Variants in CACNA2D3 observed in about 807,000 individuals in gnomAD.
CACNA2D3 encodes calcium voltage-gated channel auxiliary subunit alpha2delta 3, also known as voltage-dependent calcium channel subunit alpha-2/delta-3.
A neutral mutation model predicts 160.6 loss-of-function variants in CACNA2D3; 60 were observed. The ratio of observed to expected loss-of-function variants is 0.37; its 90% confidence interval spans 0.30 to 0.46. CACNA2D3 has a LOEUF of 0.46. Ranked by LOEUF, CACNA2D3 falls within the 20% of genes least tolerant of loss-of-function variation. The pLI, the probability that CACNA2D3 is intolerant of heterozygous loss-of-function variation, is 1.00. For synonymous variants in CACNA2D3, 558 were observed against 492.9 expected (o/e 1.13, Z -1.75); for missense variants, 1,205 against 1,365.0 (o/e 0.88, Z 1.85).
At chr3:55,009,864 T>A (rs373749406) in intron 34 of CACNA2D3, among the ~76,000 whole-genome samples, 70 of 152,276 alleles carry the variant, frequency 4.6e-4, no homozygotes, top group African/African-American at 1.7e-3. Flanking sequence ...CTATCCCTTC[T>A]CAAATACCTT....
intron 17 of CACNA2D3, among the ~76,000 whole-genome samples, chr3:54,850,765 C>T (rs1029020220): frequency 3.9e-5 from 6 of 152,232 alleles, no homozygotes; most frequent in Non-Finnish European, 8.8e-5. Flanking sequence ...TCCATGAAGC[C>T]TGCATTGAAA....
chr3:54,878,852 C>A, intron 18 of CACNA2D3, 166 bp from the exon 19 acceptor site: 1 of 470,244 alleles, frequency 2.1e-6, no homozygotes, highest in Non-Finnish European at 3.7e-6. Flanking sequence ...TTGTTGTTAG[C>A]CTGTCTCCCA....
chr3:54,854,787 A>G (rs1324781245), intron 17 of CACNA2D3, among the ~76,000 whole-genome samples: 1 of 152,164 alleles, frequency 6.6e-6, no homozygotes, highest in Non-Finnish European at 1.5e-5. Context: ...ACATATTTGA[A>G]GGGCAAAAAA....
intron 27 of CACNA2D3, chr3:54,918,827 T>A: frequency 1.2e-6 from 2 of 1,601,198 alleles, no homozygotes; most frequent in African/African-American, 1.3e-5. Flanking sequence ...TCATGAGGGA[T>A]CCTAAGGAGG....
At chr3:54,501,011 A>G (rs1268798664) in intron 4 of CACNA2D3, among the ~76,000 whole-genome samples, 8 of 152,212 alleles carry the variant, frequency 5.3e-5, no homozygotes, top group Admixed American at 5.2e-4. Context: ...TGATGCACTG[A>G]TACTGTATCC....
chr3:54,476,778 A>AT (rs1353569345), intron 4 of CACNA2D3, among the ~76,000 whole-genome samples: 1 of 152,152 alleles, frequency 6.6e-6, no homozygotes, highest in Non-Finnish European at 1.5e-5. Flanking sequence ...TATTGAGTTG[A>AT]TATGAGTTTC....
At chr3:54,420,372 C>T (rs765423967) in intron 4 of CACNA2D3, among the ~76,000 whole-genome samples, 10 of 152,196 alleles carry the variant, frequency 6.6e-5, no homozygotes, top group South Asian at 2.1e-4. Context: ...CATGAGCCAC[C>T]GCACCTTGTC....
intron 11 of CACNA2D3, among the ~76,000 whole-genome samples, chr3:54,678,847 CA>C (rs543085235): frequency 1.4e-5 from 2 of 145,520 alleles, no homozygotes; most frequent in Non-Finnish European, 3.0e-5. Flanking sequence ...GAATTAAAGA[CA>C]AAAACACTGG....
At position 54,741,700 on chromosome 3, in the gene CACNA2D3, T is replaced by C. The variant is rs528720905; in HGVS notation, c.1168-10899T>C. 6.6e-5 allele frequency among the ~76,000 whole-genome samples: 10 copies of C among 152,274 alleles called. 1 individual carries two copies. Among genetic ancestry groups the C allele is most frequent in the African/African-American group, 1.9e-4 (8 of 41,574 alleles). On this transcript the variant is annotated intron_variant, in intron 11 of 37. Transcript: ENST00000474759. ...GTGTTGGTCTGCTTTGGAGTTTTCC[T>C]TGGTGGTCCACTGGACAATTTCTGT...
chr3:54,894,833 T>C (rs1452325638), intron 25 of CACNA2D3: 1 of 369,448 alleles, frequency 2.7e-6, no homozygotes, highest in African/African-American at 2.1e-5. Context: ...ACATTACCAC[T>C]GAATACAAGC....
At chr3:54,743,951 G>A (rs1012321743) in intron 11 of CACNA2D3, among the ~76,000 whole-genome samples, 4 of 152,172 alleles carry the variant, frequency 2.6e-5, no homozygotes, top group African/African-American at 9.7e-5. Flanking sequence ...CAAGCACTGT[G>A]CTGGATTCTA....
At chr3:54,449,266 G>C (rs769301864) in intron 4 of CACNA2D3, among the ~76,000 whole-genome samples, 3 of 152,184 alleles carry the variant, frequency 2.0e-5, no homozygotes, top group Non-Finnish European at 1.5e-5. Flanking sequence ...ATAAAAGGAA[G>C]AGAATTGCTC....
intron 2 of CACNA2D3, among the ~76,000 whole-genome samples, chr3:54,300,073 A>T (rs1360169177): frequency 6.6e-6 from 1 of 152,260 alleles, no homozygotes; most frequent in African/African-American, 2.4e-5. Context: ...TTTAAAAGTT[A>T]AATGAGAATA....
chr3:54,701,463 A>G (rs1700766435), intron 11 of CACNA2D3, among the ~76,000 whole-genome samples: 1 of 152,124 alleles, frequency 6.6e-6, no homozygotes, highest in Admixed American at 6.6e-5. Context: ...AAAGATGTAA[A>G]TATGTGTTAT....
chr3:54,768,333 T>C (rs1702258471), intron 13 of CACNA2D3, among the ~76,000 whole-genome samples: 1 of 152,180 alleles, frequency 6.6e-6, no homozygotes, highest in South Asian at 2.1e-4. Flanking sequence ...CACTTATGTA[T>C]TGTTTTGACC....
chr3:54,671,823 C>T (rs1489372917), intron 11 of CACNA2D3, among the ~76,000 whole-genome samples: 1 of 152,174 alleles, frequency 6.6e-6, no homozygotes, highest in Non-Finnish European at 1.5e-5. Flanking sequence ...CCCTAAGACT[C>T]AGGGGTTAAA....
chr3:54,966,921 C>T (rs1382007883), intron 27 of CACNA2D3: 1 of 152,168 alleles, frequency 6.6e-6, no homozygotes, highest in Admixed American at 6.5e-5. Flanking sequence ...AAAAAGCAAG[C>T]ATTTACCTAT....
intron 4 of CACNA2D3, among the ~76,000 whole-genome samples, chr3:54,449,559 G>A (rs1329152046): frequency 1.3e-5 from 2 of 152,168 alleles, no homozygotes; most frequent in South Asian, 2.1e-4. Flanking sequence ...AATCCCCATT[G>A]TTGGAGGTGG....
At chr3:54,859,972 G>GCACACACACACACA (rs1553891454) in intron 17 of CACNA2D3, among the ~76,000 whole-genome samples, 17 of 133,880 alleles carry the variant, frequency 1.3e-4, no homozygotes, top group Admixed American at 3.7e-4. Context: ...GAAAGTAGAT[G>GCACACACACACACA]CACACACACA....
Sources: gnomAD v4.1 joint callset for allele counts (sites outside exome capture counted in the v4.1 genomes callset) on GRCh38, gnomAD v4.1.1 for gene constraint, MANE v1.5 for transcripts, NCBI Gene and HGNC (gene_info 2026-07-23, HGNC 2026-07-21) for gene names.